NADSYN1: variants seen among roughly 807,000 people sequenced by gnomAD.
NADSYN1 encodes NAD synthetase 1.
In NADSYN1, 80 loss-of-function variants were observed where a neutral mutation model predicts 99.3. That is an observed-to-expected ratio of 0.81 (90% CI 0.67 to 0.97). The LOEUF (loss-of-function observed/expected upper bound fraction) is 0.97, where lower values mean the gene tolerates loss of function less well. Ranked by LOEUF, NADSYN1 falls within the 50% of genes least tolerant of loss-of-function variation. The pLI is 0.00. For missense variants in NADSYN1, 859 were observed against 948.5 expected, an observed-to-expected ratio of 0.91 and a Z score of 1.24; for synonymous variants, 385 against 372.1, an observed-to-expected ratio of 1.03 and a Z score of -0.40.
At position 71,485,546 on chromosome 11, in the gene NADSYN1, G is replaced by A. The variant is rs1340891812; in HGVS notation, c.1460G>A (p.Arg487Gln). The stretch of plus-strand genomic sequence containing the variant: ...TTCCTCTGTTGTGTTTTCCAGGCTC[G>A]AATACGGATGGTCCTCGCCTATCTG... ...ENLALQNVQARIRMVLAYLFA... is the reference protein window; with the variant it reads ...ENLALQNVQAQIRMVLAYLFA... Residue 487 changes from arginine (R) to glutamine (Q), a missense_variant, in exon 16 of 21, where the codon CGA (arginine) becomes CAA (glutamine). Coordinates refer to ENST00000319023, the MANE Select transcript of NADSYN1 (RefSeq NM_018161.5). 3 of 1,556,556 alleles carry A rather than the reference G, an allele frequency of 1.9e-6. No individual in the cohort carries two copies. Among genetic ancestry groups the A allele is most frequent in the African/African-American group, 1.4e-5 (1 of 73,602 alleles).
chr11:71,458,418 G>C lies in NADSYN1; in HGVS notation c.147-10G>C. On this transcript the variant is annotated splice_polypyrimidine_tract_variant and intron_variant, in intron 2 of 20. Coordinates refer to ENST00000319023, the MANE Select transcript of NADSYN1 (RefSeq NM_018161.5). ...TGTTTCTGGAGCTCACCTTCTCACT[G>C]TCTCTGCAGCGGCTACGGATGTTGG... The C allele has an allele frequency of 1.9e-6, 3 of 1,608,174 alleles. No individual in the cohort carries two copies. The highest frequency in any genetic ancestry group is 2.6e-6 in the Non-Finnish European group (3 of 1,174,588).
intron 17 of NADSYN1, among the ~76,000 whole-genome samples, chr11:71,491,461 TG>T: frequency 6.6e-6 from 1 of 152,202 alleles, no homozygotes; most frequent in East Asian, 1.9e-4. Flanking sequence ...CCACACGGGG[TG>T]TGCTGGGTGT....
intron 9 of NADSYN1, chr11:71,477,269 T>G: frequency 8.1e-7 from 1 of 1,240,100 alleles, no homozygotes; most frequent in South Asian, 1.4e-5. Flanking sequence ...AGCCACCTTC[T>G]CATGGAACGA....
intron 5 of NADSYN1, among the ~76,000 whole-genome samples, chr11:71,465,221 G>T (rs1319973767): frequency 2.0e-5 from 3 of 152,084 alleles, no homozygotes; most frequent in African/African-American, 7.2e-5. Context: ...GCGGAAGGAG[G>T]TCATTGTGCC....
At chr11:71,458,948 T>A in intron 3 of NADSYN1, 1 of 207,498 alleles carries the variant, frequency 4.8e-6, no homozygotes, top group Non-Finnish European at 1.0e-5. Flanking sequence ...AAGGAAGGCC[T>A]CTGCATGCTC....
At chr11:71,500,994 G>A (rs370980389) in intron 20 of NADSYN1, among the ~76,000 whole-genome samples, 1 of 152,160 alleles carries the variant, frequency 6.6e-6, no homozygotes, top group African/African-American at 2.4e-5. Flanking sequence ...TGTACTCAGG[G>A]GCGGGCTCCC....
chr11:71,472,371 G>A (rs1949632457), intron 5 of NADSYN1, 78 bp from the exon 6 acceptor site: 2 of 1,250,652 alleles, frequency 1.6e-6, no homozygotes, highest in Non-Finnish European at 2.4e-6. Flanking sequence ...TTCAGTTTGA[G>A]TTTTGTTTAA....
intron 3 of NADSYN1, among the ~76,000 whole-genome samples, chr11:71,461,167 G>A (rs1949548040): frequency 6.6e-6 from 1 of 152,140 alleles, no homozygotes; most frequent in African/African-American, 2.4e-5. Context: ...TTTGTTTTAT[G>A]TGTTCAGTGG....
intron 13 of NADSYN1, among the ~76,000 whole-genome samples, chr11:71,482,294 G>A (rs1192751361): frequency 6.6e-6 from 1 of 152,202 alleles, no homozygotes; most frequent in Non-Finnish European, 1.5e-5. Flanking sequence ...TGGCCTGGTG[G>A]GGAGAACACA....
chr11:71,491,508 C>T (rs575738330), intron 17 of NADSYN1, among the ~76,000 whole-genome samples: 3 of 152,284 alleles, frequency 2.0e-5, no homozygotes, highest in African/African-American at 7.2e-5. Context: ...CTCAATGTGG[C>T]GCAGTGCACA....
At chr11:71,495,126 T>C (rs1054889602) in intron 18 of NADSYN1, among the ~76,000 whole-genome samples, 1 of 152,208 alleles carries the variant, frequency 6.6e-6, no homozygotes, top group Non-Finnish European at 1.5e-5. Context: ...GGTTGTTGAT[T>C]TGAGATCTTT....
chr11:71,474,452 T>G lies in NADSYN1; in HGVS notation c.724T>G (p.Tyr242Asp). 7 of 1,614,230 alleles carry G rather than the reference T, an allele frequency of 4.3e-6. No homozygotes were observed. The highest frequency in any genetic ancestry group is 5.9e-6 in the Non-Finnish European group (7 of 1,180,032). Residue 242 changes from tyrosine (Y) to aspartate (D), a missense_variant, in exon 9 of 21, where the codon TAC becomes GAC. By Grantham distance (160) the Tyr-to-Asp change is radical. Coordinates refer to ENST00000319023, the MANE Select transcript of NADSYN1 (RefSeq NM_018161.5). ...QKGCDGDRLY[Y>D]DGCAMIAMNG... ...GGGTTGTGACGGGGACCGCCTGTAC[T>G]ACGACGGCTGTGCCATGATTGCCAT...
intron 10 of NADSYN1, chr11:71,478,775 G>T: frequency 3.0e-6 from 1 of 337,220 alleles, no homozygotes; most frequent in African/African-American, 2.1e-5. Flanking sequence ...AGCAGCCTTG[G>T]AGCCCAGGAA....
chr11:71,464,241 TC>T, intron 5 of NADSYN1, 99 bp downstream of exon 5: 1 of 951,546 alleles, frequency 1.1e-6, no homozygotes, highest in African/African-American at 1.6e-5. Flanking sequence ...GTGGAGGGTG[TC>T]CAGGTTTTTG....
Position 71,453,237 on chromosome 11 carries a change from C to T in NADSYN1, c.-60C>T, listed in dbSNP as rs1004087668. 45 of 1,491,956 alleles carry T rather than the reference C, an allele frequency of 3.0e-5. No homozygotes were observed. The highest frequency in any genetic ancestry group is 4.1e-5 in the Non-Finnish European group (44 of 1,080,676). 92.4% of individuals were successfully genotyped at this position (1,491,956 alleles called of 1,614,324 possible). Reference sequence around the variant, plus strand: ...GGTCCGGCGTCCCAGCCGCCTACCTCGCTGGGACCCTGGTCTTGCTGTCCC... The same window carrying T: ...GGTCCGGCGTCCCAGCCGCCTACCTTGCTGGGACCCTGGTCTTGCTGTCCC... On this transcript the variant is annotated 5_prime_UTR_variant, in exon 1 of 21. Coordinates refer to ENST00000319023, the MANE Select transcript of NADSYN1 (RefSeq NM_018161.5).
intron 17 of NADSYN1, among the ~76,000 whole-genome samples, chr11:71,491,514 G>A (rs1249749415): frequency 6.6e-6 from 1 of 152,196 alleles, no homozygotes. Context: ...GTGGCGCAGT[G>A]CACAGGCCAT....
intron 11 of NADSYN1, 116 bp downstream of exon 11, chr11:71,480,995 C>A: frequency 7.1e-7 from 1 of 1,417,344 alleles, no homozygotes; most frequent in South Asian, 1.3e-5. Context: ...TGGGGACTTG[C>A]AGAAGGCAAC....
intron 13 of NADSYN1, 82 bp from the exon 14 acceptor site, chr11:71,482,767 G>A: frequency 1.4e-6 from 2 of 1,469,330 alleles, no homozygotes; most frequent in East Asian, 2.5e-5. Context: ...ATGGGCACCT[G>A]GGGGTGTAGA....
chr11:71,481,075 G>C (rs1453573650), intron 11 of NADSYN1, 196 bp downstream of exon 11: 21 of 737,358 alleles, frequency 2.8e-5, no homozygotes. Context: ...CAGCCCTGCT[G>C]CTTCCCCGTG....
Sources: allele counts gnomAD v4.1 joint callset (sites outside exome capture counted in the v4.1 genomes callset), GRCh38; gene constraint gnomAD v4.1.1; transcripts MANE v1.5; gene names NCBI Gene and HGNC (gene_info 2026-07-23, HGNC 2026-07-21).